The following ARHGEF4 variants were observed in gnomAD, a reference collection of about 807,000 sequenced individuals.
The protein encoded by ARHGEF4 is Rho guanine nucleotide exchange factor 4.
A neutral mutation model predicts 162.0 loss-of-function variants in ARHGEF4; 119 were observed. That is an observed-to-expected ratio of 0.73 (90% CI 0.63 to 0.86). ARHGEF4 has a LOEUF of 0.86. ARHGEF4 is among the 40% of genes least tolerant of loss of function. ARHGEF4 has a pLI of 0.00. For synonymous variants in ARHGEF4, 1,014 were observed against 979.9 expected (o/e 1.03, Z -0.65); for missense variants, 2,488 against 2,456.0 (o/e 1.01, Z -0.28).
chr2:130,988,499 AC>A lies in ARHGEF4; in HGVS notation c.3986-39444del, dbSNP rs1408936894. Among the ~76,000 whole-genome samples the A allele has an allele frequency of 2.0e-5, 3 of 152,364 alleles. No homozygotes were observed. The East Asian group carries it at 5.8e-4, about 29-fold the overall frequency. ...AATGTATGCTGATTATAGAAATTTT[AC>A]CAAAAAAATCATTCCAAATCTCCAA... On this transcript the variant is annotated intron_variant, in intron 4 of 13. Transcript: ENST00000409359.
rs970907091 is a variant in ARHGEF4 at position 130,891,702 on chromosome 2, G to A, written c.40-22284G>A. On this transcript the variant is annotated intron_variant, in intron 1 of 13. Transcript: ENST00000409359. ...GCTTCTGTGCATGCACGTCCCTGGC[G>A]TCTCTTCTTACCAGGACACCAGTTC... Among the ~76,000 whole-genome samples the A allele has an allele frequency of 5.3e-5, 8 of 152,212 alleles. No homozygotes were observed. In the South Asian group the frequency reaches 6.2e-4, roughly 12 times the overall value.
chr2:131,039,375 C>G lies in ARHGEF4; in HGVS notation c.4305+343C>G, dbSNP rs969110923. 12 of 1,084,646 alleles carry G rather than the reference C, an allele frequency of 1.1e-5. No homozygotes were observed. In the African/African-American group the frequency reaches 1.5e-4, roughly 14 times the overall value. The allele number at this position is 1,084,646 out of a possible 1,614,324, so 67.2% of individuals were successfully genotyped here. A position where few individuals can be genotyped will look rare whatever the true frequency, so the allele number is the denominator to read the frequency against. On this transcript the variant is annotated intron_variant, in intron 6 of 13. Transcript: ENST00000409359. ...GGACTGCTCACCTCACACACAGCCC[C>G]GGGAGTGGGAACCATGACTTACACC...
intron 1 of ARHGEF4, 105 bp from the exon 2 acceptor site, chr2:130,913,881 G>C: frequency 7.3e-7 from 1 of 1,371,984 alleles, no homozygotes. Flanking sequence ...GAACTAATGA[G>C]CCATTTCTGA....
At chr2:130,942,985 C>CTATTACCTTGTTTTTGTT (rs1207438920) in intron 3 of ARHGEF4, among the ~76,000 whole-genome samples, 51 of 152,194 alleles carry the variant, frequency 3.4e-4, no homozygotes, top group Admixed American at 2.8e-3. Context: ...CTCACTTTGT[C>CTATTACCTTGTTTTTGTT]TATTACCTTG....
intron 4 of ARHGEF4, among the ~76,000 whole-genome samples, chr2:130,997,558 C>T (rs1360294891): frequency 2.0e-5 from 3 of 152,192 alleles, no homozygotes; most frequent in African/African-American, 7.2e-5. Flanking sequence ...CCCATCTTAA[C>T]TTTCTCCATT....
rs538848037 is a variant in ARHGEF4, at chr2:130,906,009, G to A, written c.40-7977G>A. Among the ~76,000 whole-genome samples the A allele has an allele frequency of 5.9e-5, 9 of 152,246 alleles. No homozygotes were observed. In the East Asian group the frequency reaches 7.7e-4, roughly 13 times the overall value. On this transcript the variant is annotated intron_variant, in intron 1 of 13. Coordinates refer to ENST00000409359, the MANE Select transcript of ARHGEF4 (RefSeq NM_001367493.1). Reference sequence around the variant, plus strand: ...TCTTTGGATTATAATCCAGTCCTACGGTTATTTATGCTGTTACCCAGACTG... The same window carrying A: ...TCTTTGGATTATAATCCAGTCCTACAGTTATTTATGCTGTTACCCAGACTG...
In ARHGEF4 at chr2:130,916,723, A is replaced by G; in HGVS notation, c.2777A>G (p.Glu926Gly). ...AACTTTATTGAGTCAATAGTTCTAG[A>G]GAAAGAGAACACCCATGAACGTTCC... ...FSNFIESIVL[E>G]KENTHERSPS... Residue 926 changes from glutamate (E) to glycine (G), a missense_variant, in exon 2 of 14, where the codon GAG (glutamate) becomes GGG (glycine). By Grantham distance (98) the Glu-to-Gly change is moderately conservative. Around this residue, in one of 6 missense-constraint regions of ARHGEF4, gnomAD observed 1,642 missense variants for 1,481.5 expected, o/e 1.11. Transcript: ENST00000409359. 1 of 1,550,698 alleles carries G rather than the reference A, an allele frequency of 6.4e-7. No homozygotes were observed.
At chr2:130,986,516 G>A (rs886797175) in intron 4 of ARHGEF4, among the ~76,000 whole-genome samples, 5 of 152,208 alleles carry the variant, frequency 3.3e-5, no homozygotes, top group Non-Finnish European at 5.9e-5. Context: ...AGAGGGCGCT[G>A]GGGCCTTCAG....
chr2:130,967,273 A>G (rs1386910888), intron 4 of ARHGEF4, among the ~76,000 whole-genome samples: 1 of 152,174 alleles, frequency 6.6e-6, no homozygotes, highest in East Asian at 1.9e-4. Context: ...TTGAGGCATA[A>G]TCCGAACACG....
intron 3 of ARHGEF4, among the ~76,000 whole-genome samples, chr2:130,932,026 G>A (rs1359084873): frequency 1.3e-5 from 2 of 152,026 alleles, no homozygotes; most frequent in Non-Finnish European, 2.9e-5. Flanking sequence ...CAGCTCCAAG[G>A]CATTTTCATC....
intron 4 of ARHGEF4, among the ~76,000 whole-genome samples, chr2:130,988,901 T>TATATATATATATAG (rs1469212068): frequency 2.6e-5 from 3 of 113,366 alleles, no homozygotes; most frequent in Non-Finnish European, 5.0e-5. Flanking sequence ...TATATATATA[T>TATATATATATATAG]AGAGAGAGAG....
At chr2:130,994,459 C>T (rs1334755594) in intron 4 of ARHGEF4, among the ~76,000 whole-genome samples, 1 of 152,172 alleles carries the variant, frequency 6.6e-6, no homozygotes, top group East Asian at 1.9e-4. Context: ...TAAATCAGGA[C>T]TTTTAACATC....
At chr2:130,990,274 G>A (rs1371890114) in intron 4 of ARHGEF4, among the ~76,000 whole-genome samples, 5 of 152,166 alleles carry the variant, frequency 3.3e-5, no homozygotes, top group African/African-American at 1.2e-4. Flanking sequence ...ACAGTTTGAA[G>A]AGATGTGTTA....
chr2:130,972,115 GTA>G (rs1685410736), intron 4 of ARHGEF4, among the ~76,000 whole-genome samples: 1 of 151,740 alleles, frequency 6.6e-6, no homozygotes. Flanking sequence ...GCCTCGGGTT[GTA>G]TAACTAATGT....
chr2:130,848,990 G>A (rs1026205395), intron 1 of ARHGEF4, among the ~76,000 whole-genome samples: 4 of 152,014 alleles, frequency 2.6e-5, no homozygotes, highest in Admixed American at 1.3e-4. Flanking sequence ...GCTAGTTGGG[G>A]GCACTGCCCA....
chr2:130,889,811 C>CAAAA (rs35297177), intron 1 of ARHGEF4, among the ~76,000 whole-genome samples: 12,408 of 67,202 alleles, frequency 0.18, 937 homozygotes, highest in South Asian at 0.25. Flanking sequence ...GACTCCGTCT[C>CAAAA]AAAAAAAAAA....
intron 4 of ARHGEF4, among the ~76,000 whole-genome samples, chr2:131,009,040 C>T (rs1688295115): frequency 6.6e-6 from 1 of 152,228 alleles, no homozygotes; most frequent in African/African-American, 2.4e-5. Flanking sequence ...TCATCATTCT[C>T]ACTTTTGCCT....
intron 1 of ARHGEF4, among the ~76,000 whole-genome samples, chr2:130,871,178 A>G (rs1197349076): frequency 6.6e-6 from 1 of 152,146 alleles, no homozygotes; most frequent in African/African-American, 2.4e-5. Context: ...TGGCCTGGAT[A>G]AAGGATTTTT....
chr2:130,981,896 C>T (rs80032446), intron 4 of ARHGEF4, among the ~76,000 whole-genome samples: 6,482 of 152,184 alleles, frequency 0.043, 152 homozygotes, highest in Middle Eastern at 0.075. Flanking sequence ...ACTCTAGTGC[C>T]AGCACTATCC....
Sources: allele counts gnomAD v4.1 joint callset (sites outside exome capture counted in the v4.1 genomes callset), GRCh38; gene constraint gnomAD v4.1.1; regional missense constraint gnomAD v4.1.1; transcripts MANE v1.5; gene names NCBI Gene and HGNC (gene_info 2026-07-23, HGNC 2026-07-21).